RUFY2: variants seen among roughly 807,000 people sequenced by gnomAD.
RUFY2 encodes the protein RUN and FYVE domain containing 2.
Under a neutral mutation model 94.4 loss-of-function variants are expected in RUFY2, and 49 were observed. That is an observed-to-expected ratio of 0.52 (90% CI 0.41 to 0.66). The LOEUF (loss-of-function observed/expected upper bound fraction) is 0.66, where lower values mean the gene tolerates loss of function less well. Among genes scored for constraint, RUFY2 ranks in the 30% least tolerant of loss-of-function variants. The pLI is 0.00. For missense variants in RUFY2, 541 were observed against 692.8 expected (o/e 0.78, Z 2.46); for synonymous variants, 255 against 235.7 (o/e 1.08, Z -0.75).
rs1395150046 is a variant in RUFY2, at chr10:68,357,913, C to T, written c.1551-2512G>A. 2.6e-5 allele frequency among the ~76,000 whole-genome samples: 4 copies of T among 152,194 alleles called. No homozygotes were observed. In the East Asian group the frequency reaches 7.7e-4, roughly 29 times the overall value. On this transcript the variant is annotated intron_variant, in intron 15 of 17. Transcript: ENST00000602465. Reference sequence around the variant, plus strand: ...TTAAAATTACAATGACTAGTTCAGGCATGGTGGTTCCTGCCTGTAATCGCA... The same window carrying T: ...TTAAAATTACAATGACTAGTTCAGGTATGGTGGTTCCTGCCTGTAATCGCA...
chr10:68,355,430 T>C, intron 15 of RUFY2, 29 bp from the exon 16 acceptor site: 3 of 1,374,934 alleles, frequency 2.2e-6, no homozygotes, highest in Non-Finnish European at 3.1e-6. Flanking sequence ...GGTCCAAATT[T>C]CAGTACACAT....
chr10:68,360,713 AC>A (rs1250636202), intron 15 of RUFY2, among the ~76,000 whole-genome samples: 3 of 152,038 alleles, frequency 2.0e-5, no homozygotes, highest in Non-Finnish European at 4.4e-5. Context: ...CTGCCACTGC[AC>A]TCCAGCCTGG....
In RUFY2 at chr10:68,343,640, A is replaced by G. The variant is rs2046102309; in HGVS notation, c.*2128T>C. 6.6e-6 allele frequency: 1 copy of G among 152,530 alleles called. No individual in the cohort carries two copies. The allele number at this position is 152,530 out of a possible 1,614,324, so 9.4% of individuals were successfully genotyped here. On this transcript the variant is annotated 3_prime_UTR_variant, in exon 18 of 18. Transcript: ENST00000602465. ...ATAGCATTATTGTGGTAGTACTGCT[A>G]GGTGAGGGAATGGTATGTTAAGTCT...
At chr10:68,365,714 G>A (rs534617598) in intron 13 of RUFY2, among the ~76,000 whole-genome samples, 3 of 152,302 alleles carry the variant, frequency 2.0e-5, no homozygotes, top group Admixed American at 1.3e-4. Context: ...TAATTATGCA[G>A]TAGAAACTTA....
chr10:68,366,857 AATAT>A (rs2047883049), intron 13 of RUFY2, among the ~76,000 whole-genome samples: 4 of 139,384 alleles, frequency 2.9e-5, no homozygotes, highest in African/African-American at 1.1e-4. Context: ...TAAATAAATA[AATAT>A]ATTAAATAAA....
At position 68,377,798 on chromosome 10, in the gene RUFY2, T is replaced by C. The variant is rs929795129; in HGVS notation, c.1206-826A>G. ...CCAAGATTCAAAGGATATTAACTCC[T>C]TGCAGGAAATCACAAGAGAAATTTC... On this transcript the variant is annotated intron_variant, in intron 12 of 17. Coordinates refer to ENST00000602465, the MANE Select transcript of RUFY2 (RefSeq NM_001330103.2). 4.1e-6 allele frequency: 4 copies of C among 985,126 alleles called. No individual in the cohort carries two copies. In the African/African-American group the frequency reaches 7.0e-5, roughly 17 times the overall value. 61.0% of individuals were successfully genotyped at this position (985,126 alleles called of 1,614,324 possible). A position where few individuals can be genotyped will look rare whatever the true frequency, so the allele number is the denominator to read the frequency against.
At chr10:68,403,084 G>A (rs1427866624) in intron 2 of RUFY2, among the ~76,000 whole-genome samples, 1 of 149,652 alleles carries the variant, frequency 6.7e-6, no homozygotes, top group Non-Finnish European at 1.5e-5. Context: ...GACCTCAAGT[G>A]ATCCGTCAGT....
intron 13 of RUFY2, among the ~76,000 whole-genome samples, chr10:68,365,660 T>C (rs745687734): frequency 6.6e-6 from 1 of 152,248 alleles, no homozygotes; most frequent in East Asian, 1.9e-4. Context: ...ATATTAGAAG[T>C]GTTCTGGTCT....
intron 3 of RUFY2, among the ~76,000 whole-genome samples, chr10:68,397,436 T>A (rs1169008529): frequency 6.6e-6 from 1 of 152,104 alleles, no homozygotes; most frequent in East Asian, 1.9e-4. Flanking sequence ...AATACTTCTA[T>A]AAGAAATATT....
rs112630058 is a variant in RUFY2, at chr10:68,391,889, G to T, written c.650+1249C>A. Among the ~76,000 whole-genome samples, 405 of 148,328 alleles carry T rather than the reference G, an allele frequency of 2.7e-3. 3 individuals carry two copies. Among genetic ancestry groups the T allele is most frequent in the South Asian group, 5.8e-3 (27 of 4,662 alleles). On this transcript the variant is annotated intron_variant, in intron 7 of 17. Coordinates refer to ENST00000602465, the MANE Select transcript of RUFY2 (RefSeq NM_001330103.2). ...AGGTAGGAGAATCGCTAGAACCCTG[G>T]GGGCAGGCAGAGGTTGCAGTGAGCT...
chr10:68,395,709 A>G (rs2050344242), intron 4 of RUFY2, among the ~76,000 whole-genome samples: 2 of 152,240 alleles, frequency 1.3e-5, no homozygotes, highest in Admixed American at 6.6e-5. Flanking sequence ...TCACTGTCTC[A>G]TGCCTTCTTT....
chr10:68,395,799 C>T (rs943435812), intron 4 of RUFY2, among the ~76,000 whole-genome samples: 1 of 152,114 alleles, frequency 6.6e-6, no homozygotes, highest in Non-Finnish European at 1.5e-5. Context: ...AACATATGGT[C>T]ATTCTCGTTT....
At position 68,405,455 on chromosome 10, in the gene RUFY2, A is replaced by G. The variant is rs1041716583; in HGVS notation, c.5-611T>C. 6 of 977,666 alleles carry G rather than the reference A, an allele frequency of 6.1e-6. No individual in the cohort carries two copies. The African/African-American group carries it at 8.8e-5, about 14-fold the overall frequency. The allele number at this position is 977,666 out of a possible 1,614,324, so 60.6% of individuals were successfully genotyped here. A position where few individuals can be genotyped will look rare whatever the true frequency, so the allele number is the denominator to read the frequency against. ...TAACTTTCCTGGTACCTCTTCATAGAGAATGAGTTTTTTAAAATGATCTTC... is the reference window on the plus strand; with the variant it reads ...TAACTTTCCTGGTACCTCTTCATAGGGAATGAGTTTTTTAAAATGATCTTC... On this transcript the variant is annotated intron_variant, in intron 1 of 17. Transcript: ENST00000602465.
chr10:68,341,742 CT>C, downstream of RUFY2: 1 of 1,586,322 alleles, frequency 6.3e-7, no homozygotes, highest in South Asian at 1.2e-5. Context: ...AATTTTTTTT[CT>C]TTTTTCTTTT....
Position 68,378,203 on chromosome 10 carries a change from G to GA in RUFY2, c.1205+1220dup, listed in dbSNP as rs150137554. 10,193 of 995,804 alleles carry GA rather than the reference G, an allele frequency of 0.01. 731 individuals are homozygous for GA. The African/African-American group carries it at 0.16, about 16-fold the overall frequency. The allele number at this position is 995,804 out of a possible 1,614,324, so 61.7% of individuals were successfully genotyped here. A position where few individuals can be genotyped will look rare whatever the true frequency, so the allele number is the denominator to read the frequency against. On this transcript the variant is annotated intron_variant, in intron 12 of 17. Transcript: ENST00000602465. The stretch of plus-strand genomic sequence containing the variant: ...CATTGGGCAAAGAGTGGGCCAATGA[G>GA]AAAAAAATATCTGTGCCAACACAGT...
chr10:68,361,018 C>T (rs996518392), intron 15 of RUFY2, among the ~76,000 whole-genome samples: 3 of 152,092 alleles, frequency 2.0e-5, no homozygotes, highest in Non-Finnish European at 4.4e-5. Flanking sequence ...CGTGGTGGCT[C>T]ATGACTGTAA....
rs182756365 is a variant in RUFY2 at position 68,380,221 on chromosome 10, G to A, written c.1108-700C>T. Among the ~76,000 whole-genome samples the A allele has an allele frequency of 1.4e-4, 21 of 151,230 alleles. No homozygotes were observed. In the Admixed American group the frequency reaches 1.4e-3, roughly 10 times the overall value. ...TCCCTAAGTGCTAGGATTACAGCAT[G>A]AGCCATGGCACCTGGCCTCTATTAG... is the stretch of plus-strand genomic sequence containing the variant. On this transcript the variant is annotated intron_variant, in intron 11 of 17. Transcript: ENST00000602465.
chr10:68,355,688 G>C, intron 15 of RUFY2: 1 of 212,542 alleles, frequency 4.7e-6, no homozygotes, highest in South Asian at 6.0e-5. Flanking sequence ...GCCGAGGCCC[G>C]CGGATCACGA....
At chr10:68,362,693 G>T (rs752408608) in intron 15 of RUFY2, among the ~76,000 whole-genome samples, 24 of 151,988 alleles carry the variant, frequency 1.6e-4, no homozygotes, top group Non-Finnish European at 3.4e-4. Context: ...GGTAAGCTGA[G>T]GTGAAAGGGT....
Sources: allele counts gnomAD v4.1 joint callset (sites outside exome capture counted in the v4.1 genomes callset), GRCh38; gene constraint gnomAD v4.1.1; transcripts MANE v1.5; gene names NCBI Gene and HGNC (gene_info 2026-07-23, HGNC 2026-07-21).